RIT2: variants seen among roughly 807,000 people sequenced by gnomAD.
RIT2 encodes GTP-binding protein Rit2.
In RIT2, 24 loss-of-function variants were observed where a neutral mutation model predicts 23.7. The ratio of observed to expected loss-of-function variants is 1.01; its 90% CI spans 0.73 to 1.43. The LOEUF (loss-of-function observed/expected upper bound fraction) is 1.43, where lower values mean the gene tolerates loss of function less well. RIT2 is among the 40% of genes most tolerant of loss of function. RIT2 has a pLI of 0.00. For missense variants in RIT2, 236 were observed against 266.9 expected (o/e 0.88, Z 0.81); for synonymous variants, 107 against 91.1 (o/e 1.17, Z -0.99).
At chr18:42,837,769 T>C (rs1183543539) in intron 4 of RIT2, among the ~76,000 whole-genome samples, 1 of 152,194 alleles carries the variant, frequency 6.6e-6, no homozygotes, top group Non-Finnish European at 1.5e-5. Context: ...TGGTGTTGTT[T>C]ATTTTTGTTG....
intron 2 of RIT2, among the ~76,000 whole-genome samples, chr18:42,993,365 T>C (rs1910901034): frequency 6.6e-6 from 1 of 152,164 alleles, no homozygotes. Context: ...ACTGCCCGAT[T>C]GCCTCGGAAG....
chr18:42,903,095 C>T (rs533111015), intron 4 of RIT2, among the ~76,000 whole-genome samples: 2 of 152,006 alleles, frequency 1.3e-5, no homozygotes, highest in African/African-American at 2.4e-5. Flanking sequence ...TACTCACATG[C>T]TTTTAAAAAA....
chr18:42,911,670 C>A (rs969320545), intron 4 of RIT2, among the ~76,000 whole-genome samples: 2 of 151,902 alleles, frequency 1.3e-5, no homozygotes, highest in Non-Finnish European at 2.9e-5. Flanking sequence ...TAACTTTACA[C>A]TCATCAGTTC....
intron 1 of RIT2, among the ~76,000 whole-genome samples, chr18:43,113,505 C>T (rs1273901494): frequency 1.3e-5 from 2 of 152,192 alleles, no homozygotes; most frequent in Non-Finnish European, 2.9e-5. Flanking sequence ...AGCCAGGCCA[C>T]TCTGTGGGCC....
intron 1 of RIT2, among the ~76,000 whole-genome samples, chr18:43,097,526 A>G (rs1228595529): frequency 6.6e-6 from 1 of 151,964 alleles, no homozygotes; most frequent in Non-Finnish European, 1.5e-5. Flanking sequence ...CCAGAAAGCT[A>G]TTGGAAAAGA....
chr18:43,109,847 A>G (rs941834439), intron 1 of RIT2, among the ~76,000 whole-genome samples: 6 of 152,184 alleles, frequency 3.9e-5, no homozygotes, highest in African/African-American at 1.2e-4. Flanking sequence ...ACAACATTTC[A>G]CCAAATAATT....
intron 4 of RIT2, among the ~76,000 whole-genome samples, chr18:42,785,836 A>G (rs1051403430): frequency 2.0e-5 from 3 of 152,100 alleles, no homozygotes; most frequent in Non-Finnish European, 4.4e-5. Context: ...GGGTGACCAC[A>G]CTCATCAGAG....
chr18:42,775,860 T>TACACACACACATAC (rs1555636743), intron 4 of RIT2, among the ~76,000 whole-genome samples: 1 of 148,880 alleles, frequency 6.7e-6, no homozygotes, highest in African/African-American at 2.5e-5. Flanking sequence ...CACACACACA[T>TACACACACACATAC]ACACACACAC....
rs74968251 is a variant in RIT2 at position 43,029,629 on chromosome 18, A to G, written c.160+4182T>C. On this transcript the variant is annotated intron_variant, in intron 2 of 4. Transcript: ENST00000326695. ...GATCAGCTCTCAGAGATAATGAAAT[A>G]AAAGTAGGCAAAGAAACTCAATGAA... 2.6e-3 allele frequency among the ~76,000 whole-genome samples: 395 copies of G among 152,162 alleles called. 2 individuals are homozygous for G. Among genetic ancestry groups the G allele is most frequent in the African/African-American group, 8.9e-3 (371 of 41,572 alleles).
chr18:42,820,288 T>C (rs1598667510), intron 4 of RIT2, among the ~76,000 whole-genome samples: 1 of 152,168 alleles, frequency 6.6e-6, no homozygotes, highest in East Asian at 1.9e-4. Context: ...CTTGGAGCTG[T>C]AGATATACAG....
At chr18:42,907,822 A>T (rs1162178901) in intron 4 of RIT2, among the ~76,000 whole-genome samples, 1 of 152,102 alleles carries the variant, frequency 6.6e-6, no homozygotes, top group African/African-American at 2.4e-5. Flanking sequence ...CTCTATAAAA[A>T]TTTTAAGAAT....
chr18:42,899,283 T>C, intron 4 of RIT2, among the ~76,000 whole-genome samples: 1 of 150,932 alleles, frequency 6.6e-6, no homozygotes. Flanking sequence ...CTGTTTCTTA[T>C]CTTCACAGAA....
At chr18:42,959,332 T>C (rs1362464312) in intron 3 of RIT2, among the ~76,000 whole-genome samples, 1 of 152,196 alleles carries the variant, frequency 6.6e-6, no homozygotes, top group South Asian at 2.1e-4. Context: ...AATGCTTTTT[T>C]ATAAGACTTC....
chr18:42,927,749 T>C (rs1909219335), intron 3 of RIT2, among the ~76,000 whole-genome samples: 1 of 152,046 alleles, frequency 6.6e-6, no homozygotes, highest in Non-Finnish European at 1.5e-5. Context: ...AATATAAGCA[T>C]TTCTAATATT....
At chr18:43,076,702 C>T (rs1356556671) in intron 1 of RIT2, among the ~76,000 whole-genome samples, 1 of 152,094 alleles carries the variant, frequency 6.6e-6, no homozygotes, top group African/African-American at 2.4e-5. Context: ...GCTCACGATG[C>T]TGAAGAAGGC....
At position 43,068,669 on chromosome 18, in the gene RIT2, C is replaced by A. The variant is rs572896549; in HGVS notation, c.104-34802G>T. On this transcript the variant is annotated intron_variant, in intron 1 of 4. Transcript: ENST00000326695. ...GAGAGAAAATATTCAGGAATGTCTG[C>A]ACAATGTCTTCACAGTCTAGCTTCA... Among the ~76,000 whole-genome samples, 12 of 152,162 alleles carry A rather than the reference C, an allele frequency of 7.9e-5. No individual in the cohort carries two copies. In the East Asian group the frequency reaches 2.3e-3, roughly 30 times the overall value.
At chr18:42,902,801 A>G (rs1465734418) in intron 4 of RIT2, among the ~76,000 whole-genome samples, 1 of 151,768 alleles carries the variant, frequency 6.6e-6, no homozygotes, top group African/African-American at 2.4e-5. Context: ...AATTAATTAA[A>G]AGAAAAAAAT....
rs903918872 is a variant in RIT2, at chr18:42,984,418, T to C, written c.161-10271A>G. Among the ~76,000 whole-genome samples the C allele has an allele frequency of 1.1e-4, 17 of 152,088 alleles. 1 individual carries two copies. The highest frequency in any genetic ancestry group is 9.2e-4 in the Admixed American group (14 of 15,260). On this transcript the variant is annotated intron_variant, in intron 2 of 4. Transcript: ENST00000326695. ...GCCAGGAATTGTGGAGAGAGCAAAA[T>C]ATGGCTTCATAAGGCAACATAAGGG...
chr18:42,811,472 T>A (rs1905847760), intron 4 of RIT2, among the ~76,000 whole-genome samples: 1 of 152,028 alleles, frequency 6.6e-6, no homozygotes, highest in South Asian at 2.1e-4. Flanking sequence ...TCCAGGAAAG[T>A]CTCCAAGATT....
Sources: gnomAD v4.1 joint callset for allele counts (sites outside exome capture counted in the v4.1 genomes callset) on GRCh38, gnomAD v4.1.1 for gene constraint, MANE v1.5 for transcripts, NCBI Gene and HGNC (gene_info 2026-07-23, HGNC 2026-07-21) for gene names.